PTPRD: variants seen among roughly 807,000 people sequenced by gnomAD.
PTPRD encodes the protein receptor-type tyrosine-protein phosphatase delta.
In PTPRD, 34 loss-of-function variants were observed where a neutral mutation model predicts 214.5. That is an observed-to-expected ratio of 0.16 (90% confidence interval 0.12 to 0.21). The LOEUF is 0.21. Ranked by LOEUF, PTPRD falls within the 10% of genes least tolerant of loss-of-function variation. The pLI, the probability that PTPRD is intolerant of heterozygous loss-of-function variation, is 1.00. For missense variants in PTPRD, 2,545 were observed against 2,398.7 expected (o/e 1.06, Z -1.27); for synonymous variants, 1,128 against 845.7 (o/e 1.33, Z -5.79).
intron 6 of PTPRD, among the ~76,000 whole-genome samples, chr9:9,747,300 G>A (rs1023876217): frequency 6.6e-6 from 1 of 152,070 alleles, no homozygotes; most frequent in Admixed American, 6.6e-5. Flanking sequence ...GGGGCTAAAA[G>A]AGGAACCCTC....
chr9:9,068,304 T>C (rs978493411), intron 10 of PTPRD, among the ~76,000 whole-genome samples: 3 of 152,184 alleles, frequency 2.0e-5, no homozygotes, highest in African/African-American at 7.2e-5. Flanking sequence ...AAAATTTCTT[T>C]GAACATTTAT....
In PTPRD at chr9:10,109,642, G is replaced by T. The variant is rs186024566; in HGVS notation, c.-544-75852C>A. On this transcript the variant is annotated intron_variant, in intron 3 of 45. Transcript: ENST00000381196. Reference sequence around the variant, plus strand: ...ATTATGTTCATCTTCTTTGACCCAAGTCATATTTAAGTGAATGTGTTCACT... The same window carrying T: ...ATTATGTTCATCTTCTTTGACCCAATTCATATTTAAGTGAATGTGTTCACT... 2.0e-4 allele frequency among the ~76,000 whole-genome samples: 31 copies of T among 152,234 alleles called. No individual in the cohort carries two copies. The East Asian group carries it at 6.0e-3, about 29-fold the overall frequency.
intron 8 of PTPRD, among the ~76,000 whole-genome samples, chr9:9,483,972 TA>T (rs903117143): frequency 1.3e-5 from 2 of 151,742 alleles, no homozygotes; most frequent in South Asian, 2.1e-4. Context: ...TTTTCTGTGC[TA>T]AAAAAAATCC....
chr9:10,494,359 TCATTTACTCTAA>T (rs2041358432), intron 2 of PTPRD, among the ~76,000 whole-genome samples: 1 of 151,802 alleles, frequency 6.6e-6, no homozygotes. Flanking sequence ...ATATATAAGA[TCATTTACTCTAA>T]TTTCTGTCAA....
intron 5 of PTPRD, among the ~76,000 whole-genome samples, chr9:9,824,554 C>T (rs2052004378): frequency 6.6e-6 from 1 of 151,796 alleles, no homozygotes; most frequent in Middle Eastern, 3.4e-3. Context: ...ACAGCAAAAA[C>T]CCAAGCATAT....
chr9:9,342,161 A>G (rs1209258214), intron 9 of PTPRD, among the ~76,000 whole-genome samples: 1 of 152,192 alleles, frequency 6.6e-6, no homozygotes, highest in Non-Finnish European at 1.5e-5. Flanking sequence ...GGAATATTGG[A>G]CAATATCCTT....
intron 8 of PTPRD, among the ~76,000 whole-genome samples, chr9:9,432,366 G>A (rs1391156399): frequency 6.6e-6 from 1 of 152,030 alleles, no homozygotes; most frequent in Non-Finnish European, 1.5e-5. Flanking sequence ...TACTTTGCAT[G>A]CTTAGTTAAT....
At chr9:9,610,298 T>A (rs1441256524) in intron 7 of PTPRD, among the ~76,000 whole-genome samples, 1 of 152,154 alleles carries the variant, frequency 6.6e-6, no homozygotes, top group Non-Finnish European at 1.5e-5. Context: ...TATGAAAATA[T>A]AAACAAGATT....
In PTPRD at chr9:9,590,967, T is replaced by C. The variant is rs527602177; in HGVS notation, c.-286-16186A>G. 1.3e-4 allele frequency among the ~76,000 whole-genome samples: 20 copies of C among 152,132 alleles called. No individual in the cohort carries two copies. The South Asian group carries it at 4.1e-3, about 32-fold the overall frequency. Reference sequence around the variant, plus strand: ...ATGAAACACAAAATGGGCTCCATTTTGGTATCTTAATTAGAATGCCTTCTG... The same window carrying C: ...ATGAAACACAAAATGGGCTCCATTTCGGTATCTTAATTAGAATGCCTTCTG... On this transcript the variant is annotated intron_variant, in intron 7 of 45. Transcript: ENST00000381196.
intron 3 of PTPRD, among the ~76,000 whole-genome samples, chr9:10,090,649 G>A (rs934986784): frequency 1.4e-5 from 2 of 147,600 alleles, no homozygotes; most frequent in Non-Finnish European, 3.0e-5. Context: ...CACCAACTAA[G>A]AACCAGAATA....
At chr9:8,395,581 G>T (rs956556540) in intron 36 of PTPRD, among the ~76,000 whole-genome samples, 3 of 151,980 alleles carry the variant, frequency 2.0e-5, no homozygotes, top group African/African-American at 2.4e-5. Flanking sequence ...GTTTGCCAGG[G>T]TATCCCCTGG....
intron 2 of PTPRD, among the ~76,000 whole-genome samples, chr9:10,483,077 A>G (rs2099110953): frequency 6.6e-6 from 1 of 152,186 alleles, no homozygotes; most frequent in Non-Finnish European, 1.5e-5. Flanking sequence ...GGCACTAGTG[A>G]AAGCAGATAC....
chr9:9,847,196 A>G (rs2059699804), intron 5 of PTPRD, among the ~76,000 whole-genome samples: 1 of 152,112 alleles, frequency 6.6e-6, no homozygotes, highest in Admixed American at 6.6e-5. Context: ...GTCCCTGTAC[A>G]TGATTAAAAA....
At chr9:9,069,300 A>G (rs181961159) in intron 10 of PTPRD, among the ~76,000 whole-genome samples, 1 of 152,238 alleles carries the variant, frequency 6.6e-6, no homozygotes, top group Non-Finnish European at 1.5e-5. Flanking sequence ...AGAGCAGTAA[A>G]TACAAAAAAA....
At chr9:9,267,317 T>C (rs1390373677) in intron 9 of PTPRD, among the ~76,000 whole-genome samples, 1 of 151,258 alleles carries the variant, frequency 6.6e-6, no homozygotes, top group Non-Finnish European at 1.5e-5. Context: ...AATGGATATG[T>C]TCCTGGAAAC....
At chr9:9,300,515 T>C (rs1221602498) in intron 9 of PTPRD, among the ~76,000 whole-genome samples, 3 of 151,808 alleles carry the variant, frequency 2.0e-5, no homozygotes, top group African/African-American at 7.3e-5. Context: ...AATTCATGTG[T>C]TGAAATTGTA....
intron 11 of PTPRD, among the ~76,000 whole-genome samples, chr9:8,771,699 A>G (rs748656836): frequency 1.3e-5 from 2 of 152,190 alleles, no homozygotes; most frequent in Non-Finnish European, 2.9e-5. Context: ...CTTAAAGGAT[A>G]ATTATAAGAG....
intron 7 of PTPRD, among the ~76,000 whole-genome samples, chr9:9,679,741 C>T (rs535217000): frequency 1.3e-5 from 2 of 151,928 alleles, no homozygotes; most frequent in South Asian, 2.1e-4. Flanking sequence ...AGGAAAATAA[C>T]CAAAATCATG....
chr9:10,419,418 T>C (rs1352558660), intron 2 of PTPRD, among the ~76,000 whole-genome samples: 1 of 151,824 alleles, frequency 6.6e-6, no homozygotes, highest in Non-Finnish European at 1.5e-5. Context: ...CCTAAAACTC[T>C]ATTTTATATC....
Sources: gnomAD v4.1 joint callset for allele counts (sites outside exome capture counted in the v4.1 genomes callset) on GRCh38, gnomAD v4.1.1 for gene constraint, MANE v1.5 for transcripts, NCBI Gene and HGNC (gene_info 2026-07-23, HGNC 2026-07-21) for gene names.